CCDC15: variants seen among roughly 807,000 people sequenced by gnomAD.
CCDC15 encodes the protein coiled-coil domain containing 15, also known as coiled-coil domain-containing protein 15.
A neutral mutation model predicts 114.5 loss-of-function variants in CCDC15; 105 were observed. The ratio of observed to expected loss-of-function variants is 0.92; its 90% confidence interval spans 0.78 to 1.08. CCDC15 has a LOEUF of 1.08. CCDC15 is among the 50% of genes least tolerant of loss of function. The pLI, the probability that CCDC15 is intolerant of heterozygous loss-of-function variation, is 0.00. For missense variants in CCDC15, 1,105 were observed against 1,093.6 expected (o/e 1.01, Z -0.15); for synonymous variants, 334 against 377.8 (o/e 0.88, Z 1.34).
intron 11 of CCDC15, among the ~76,000 whole-genome samples, chr11:125,000,430 T>C (rs1192312905): frequency 6.6e-6 from 1 of 152,128 alleles, no homozygotes; most frequent in Admixed American, 6.5e-5. Context: ...GGGGTCCACT[T>C]TCTAGCTCAC....
intron 13 of CCDC15, among the ~76,000 whole-genome samples, chr11:125,015,776 G>A (rs1320976823): frequency 6.6e-6 from 1 of 152,128 alleles, no homozygotes; most frequent in Admixed American, 6.5e-5. Context: ...TTACAAGAAA[G>A]CAGCATTACA....
chr11:124,963,121 T>C (rs938305348), intron 4 of CCDC15, among the ~76,000 whole-genome samples: 1 of 152,224 alleles, frequency 6.6e-6, no homozygotes. Context: ...TGTGTCTTTA[T>C]AGTAGCATGA....
At chr11:124,991,962 GC>G (rs964431316) in intron 9 of CCDC15, among the ~76,000 whole-genome samples, 2 of 152,216 alleles carry the variant, frequency 1.3e-5, no homozygotes, top group Non-Finnish European at 2.9e-5. Context: ...GGGTTTACAG[GC>G]GTAAGCCACT....
At chr11:125,034,733 A>G (rs1054478596) in intron 13 of CCDC15, among the ~76,000 whole-genome samples, 2 of 152,138 alleles carry the variant, frequency 1.3e-5, no homozygotes, top group African/African-American at 4.8e-5. Flanking sequence ...GCCAGGGACC[A>G]TAGTGTTCTC....
rs1462550457 is a variant in CCDC15 at position 125,028,600 on chromosome 11, C to T, written c.2412-9831C>T. Among the ~76,000 whole-genome samples the T allele has an allele frequency of 3.9e-5, 6 of 152,034 alleles. No individual in the cohort carries two copies. In the East Asian group the frequency reaches 1.2e-3, roughly 29 times the overall value. The stretch of plus-strand genomic sequence containing the variant: ...TTGATGATTTGATTCTCAGCTTGGT[C>T]ATTGTTGGTGTATAGCAGTACTCTT... On this transcript the variant is annotated intron_variant, in intron 13 of 15. Coordinates refer to ENST00000344762, the MANE Select transcript of CCDC15 (RefSeq NM_025004.3).
intron 1 of CCDC15, 135 bp from the exon 2 acceptor site, chr11:124,954,587 CGT>C: frequency 3.2e-6 from 2 of 632,352 alleles, no homozygotes; most frequent in East Asian, 2.7e-5. Flanking sequence ...CTCTAGAATC[CGT>C]GTGTTTCCAC....
At chr11:124,972,937 CCTTAA>C (rs1378127038) in intron 4 of CCDC15, among the ~76,000 whole-genome samples, 3 of 152,112 alleles carry the variant, frequency 2.0e-5, no homozygotes, top group Non-Finnish European at 2.9e-5. Flanking sequence ...ATCTCAAGAT[CCTTAA>C]CTTAATCACA....
At chr11:125,038,694 G>T in intron 14 of CCDC15, 90 bp downstream of exon 14, 1 of 1,285,154 alleles carries the variant, frequency 7.8e-7, no homozygotes, top group Non-Finnish European at 1.0e-6. Context: ...AGAATTGACT[G>T]TGTCTTTTCA....
intron 11 of CCDC15, among the ~76,000 whole-genome samples, chr11:124,994,805 G>C (rs1168720668): frequency 6.6e-6 from 1 of 152,174 alleles, no homozygotes; most frequent in Non-Finnish European, 1.5e-5. Flanking sequence ...TGGCTTAACT[G>C]AAGTTTAGTT....
chr11:124,958,228 T>C (rs1947582676), intron 2 of CCDC15, among the ~76,000 whole-genome samples: 1 of 152,240 alleles, frequency 6.6e-6, no homozygotes, highest in Admixed American at 6.5e-5. Context: ...AGAACTCAAA[T>C]GGGATAAAGT....
chr11:125,031,750 G>C (rs1010374461), intron 13 of CCDC15, among the ~76,000 whole-genome samples: 1 of 152,176 alleles, frequency 6.6e-6, no homozygotes, highest in African/African-American at 2.4e-5. Flanking sequence ...TGGGTCTGCT[G>C]AGTCATATGA....
intron 13 of CCDC15, among the ~76,000 whole-genome samples, chr11:125,029,807 T>C (rs1948726139): frequency 6.6e-6 from 1 of 152,182 alleles, no homozygotes; most frequent in Non-Finnish European, 1.5e-5. Flanking sequence ...CTGTTGTAGT[T>C]TCCCATTGAC....
At chr11:125,000,459 CT>C (rs1438436578) in intron 11 of CCDC15, among the ~76,000 whole-genome samples, 6 of 152,046 alleles carry the variant, frequency 3.9e-5, no homozygotes, top group Non-Finnish European at 7.4e-5. Flanking sequence ...AGGTTACCCC[CT>C]ATGCTCTCCA....
At chr11:124,993,605 G>A (rs1014215077) in intron 11 of CCDC15, among the ~76,000 whole-genome samples, 1 of 151,848 alleles carries the variant, frequency 6.6e-6, no homozygotes, top group African/African-American at 2.4e-5. Flanking sequence ...GAGAGATGGA[G>A]GAAGGAGTTA....
In CCDC15 at chr11:125,035,750, A is replaced by G. The variant is rs146278292; in HGVS notation, c.2412-2681A>G. Among the ~76,000 whole-genome samples, 22 of 152,188 alleles carry G rather than the reference A, an allele frequency of 1.4e-4. No individual in the cohort carries two copies. In the East Asian group the frequency reaches 3.9e-3, roughly 27 times the overall value. ...TTGTGTTATCTGTTGTATGTTTCCA[A>G]ATATGAAGTTACGATGAGGCTTGCA... On this transcript the variant is annotated intron_variant, in intron 13 of 15. Coordinates refer to ENST00000344762, the MANE Select transcript of CCDC15 (RefSeq NM_025004.3).
In CCDC15 at chr11:124,954,922, T is replaced by G. The variant is rs1447654662; in HGVS notation, c.177+13T>G. The G allele has an allele frequency of 1.9e-6, 3 of 1,612,822 alleles. No homozygotes were observed. The highest frequency in any genetic ancestry group is 2.5e-6 in the Non-Finnish European group (3 of 1,179,056). On this transcript the variant is annotated intron_variant, in intron 2 of 15. Coordinates refer to ENST00000344762, the MANE Select transcript of CCDC15 (RefSeq NM_025004.3). ...AATCCCAGCATATGTGAGTGTCAGT[T>G]TGATCCAAATATGGTGGGGTTCCCC...
intron 4 of CCDC15, 57 bp from the exon 5 acceptor site, chr11:124,975,039 A>G: frequency 9.2e-7 from 1 of 1,086,702 alleles, no homozygotes; most frequent in Non-Finnish European, 1.3e-6. Context: ...CACTTAGTGC[A>G]TTTGGAATTA....
chr11:125,005,291 A>G, intron 13 of CCDC15, 79 bp downstream of exon 13: 1 of 626,788 alleles, frequency 1.6e-6, no homozygotes, highest in East Asian at 3.1e-5. Context: ...GAAAAAGGTA[A>G]TGGTTTTGCC....
At chr11:124,972,585 A>G (rs1276229223) in intron 4 of CCDC15, among the ~76,000 whole-genome samples, 3 of 152,182 alleles carry the variant, frequency 2.0e-5, no homozygotes, top group African/African-American at 7.2e-5. Context: ...GTAACACATT[A>G]CCTCAAAGTT....
Sources: allele counts gnomAD v4.1 joint callset (sites outside exome capture counted in the v4.1 genomes callset), GRCh38; gene constraint gnomAD v4.1.1; transcripts MANE v1.5; gene names NCBI Gene and HGNC (gene_info 2026-07-23, HGNC 2026-07-21).